Variants in PTPRN2 observed in about 807,000 individuals in gnomAD.
PTPRN2 encodes protein tyrosine phosphatase receptor type N2, also known as receptor-type tyrosine-protein phosphatase N2.
In PTPRN2, 74 loss-of-function variants were observed where a neutral mutation model predicts 118.8. The ratio of observed to expected loss-of-function variants is 0.62; its 90% CI spans 0.52 to 0.76. The LOEUF is 0.76. PTPRN2 is among the 30% of genes least tolerant of loss of function. The pLI, the probability that PTPRN2 is intolerant of heterozygous loss-of-function variation, is 0.00. For missense variants in PTPRN2, 1,481 were observed against 1,394.4 expected, an observed-to-expected ratio of 1.06 and a Z score of -0.99; for synonymous variants, 641 against 608.0, an observed-to-expected ratio of 1.05 and a Z score of -0.80.
chr7:157,637,147 C>T (rs1804370478), intron 14 of PTPRN2, among the ~76,000 whole-genome samples: 1 of 152,168 alleles, frequency 6.6e-6, no homozygotes, highest in African/African-American at 2.4e-5. Context: ...GAACATATCC[C>T]TTTGACATAT....
chr7:158,363,795 G>T (rs1262489989), intron 2 of PTPRN2, among the ~76,000 whole-genome samples: 1 of 152,204 alleles, frequency 6.6e-6, no homozygotes, highest in Non-Finnish European at 1.5e-5. Flanking sequence ...CCCAGTGTCT[G>T]GGTCTCCACG....
chr7:158,327,240 C>T (rs1257540066), intron 2 of PTPRN2, among the ~76,000 whole-genome samples: 1 of 151,346 alleles, frequency 6.6e-6, no homozygotes, highest in African/African-American at 2.5e-5. Context: ...CTCATATCCA[C>T]ATACATGCAC....
chr7:157,911,843 G>C (rs1465589421), intron 11 of PTPRN2, among the ~76,000 whole-genome samples: 1 of 151,910 alleles, frequency 6.6e-6, no homozygotes, highest in Non-Finnish European at 1.5e-5. Flanking sequence ...TACACGTTCT[G>C]TGATGTGCCT....
intron 11 of PTPRN2, among the ~76,000 whole-genome samples, chr7:157,915,897 G>A (rs750851845): frequency 1.3e-4 from 20 of 152,244 alleles, no homozygotes; most frequent in Middle Eastern, 3.4e-3. Context: ...TTCTTCCAGC[G>A]TACCAGCAGA....
In PTPRN2 at chr7:158,505,534, G is replaced by A. The variant is rs74588618; in HGVS notation, c.113-15749C>T. ...TGCAGGGCTGTCAACAGGCTCCTAAGGTTAAATAACAATAGTTTTAAAATC... is the reference window on the plus strand; with the variant it reads ...TGCAGGGCTGTCAACAGGCTCCTAAAGTTAAATAACAATAGTTTTAAAATC... On this transcript the variant is annotated intron_variant, in intron 1 of 22. Coordinates refer to ENST00000389418, the MANE Select transcript of PTPRN2 (RefSeq NM_002847.5). Among the ~76,000 whole-genome samples, 272 of 152,306 alleles carry A rather than the reference G, an allele frequency of 1.8e-3. 7 individuals carry two copies. The East Asian group carries it at 0.034, about 19-fold the overall frequency.
chr7:157,694,710 T>A (rs764025921), intron 12 of PTPRN2, among the ~76,000 whole-genome samples: 1 of 152,162 alleles, frequency 6.6e-6, no homozygotes, highest in Non-Finnish European at 1.5e-5. Flanking sequence ...GGCAATAATG[T>A]GAGACTAGAT....
Position 158,555,936 on chromosome 7 carries a change from A to T in PTPRN2, c.112+31622T>A, listed in dbSNP as rs931806356. 6.6e-6 allele frequency among the ~76,000 whole-genome samples: 1 copy of T among 152,252 alleles called. No individual in the cohort carries two copies. The highest frequency in any genetic ancestry group is 1.5e-5 in the Non-Finnish European group (1 of 68,042). The stretch of plus-strand genomic sequence containing the variant: ...GTCCCAAAATAAATCTTCACTAGGT[A>T]CAGAGTTGGCACCAAATGGCTTTCT... On this transcript the variant is annotated intron_variant, in intron 1 of 22. Transcript: ENST00000389418. The surrounding 1 kb of genome is among the most constrained non-coding windows in gnomAD (Gnocchi z 4.7).
chr7:157,740,100 A>C (rs2150960565), intron 12 of PTPRN2, among the ~76,000 whole-genome samples: 1 of 152,200 alleles, frequency 6.6e-6, no homozygotes, highest in South Asian at 2.1e-4. Flanking sequence ...GGCCAGCAGG[A>C]CCCCTTCCTC....
intron 19 of PTPRN2, among the ~76,000 whole-genome samples, 183 bp from the exon 20 acceptor site, chr7:157,571,676 G>A (rs1156884677): frequency 6.6e-6 from 1 of 152,148 alleles, no homozygotes; most frequent in African/African-American, 2.4e-5. Context: ...TCAACATGAC[G>A]TTATTAATCG....
chr7:158,303,385 C>T (rs1479152098), intron 3 of PTPRN2, among the ~76,000 whole-genome samples: 2 of 152,130 alleles, frequency 1.3e-5, no homozygotes, highest in Non-Finnish European at 2.9e-5. Context: ...ATGTAACTTC[C>T]CTACAGCAAA....
chr7:158,509,109 G>T lies in PTPRN2; in HGVS notation c.113-19324C>A, dbSNP rs1216783252. Among the ~76,000 whole-genome samples the T allele has an allele frequency of 6.6e-6, 1 of 151,966 alleles. No individual in the cohort carries two copies. The highest frequency in any genetic ancestry group is 1.9e-4 in the East Asian group (1 of 5,166). On this transcript the variant is annotated intron_variant, in intron 1 of 22. Coordinates refer to ENST00000389418, the MANE Select transcript of PTPRN2 (RefSeq NM_002847.5). This position sits in a 1 kb window ranked among gnomAD's most constrained non-coding sequence, Gnocchi z 4.4. ...AGAAGATGGGGACTGGGAGGGGAGA[G>T]GGAGAGAGAGAGCAGAAGGATGAGC...
At position 158,546,687 on chromosome 7, in the gene PTPRN2, C is replaced by T. The variant is rs2129449890; in HGVS notation, c.112+40871G>A. On this transcript the variant is annotated intron_variant, in intron 1 of 22. Transcript: ENST00000389418. This position sits in a 1 kb window ranked among gnomAD's most constrained non-coding sequence, Gnocchi z 5.0. Reference sequence around the variant, plus strand: ...ACAGAGGTGCTCTGAGGGTCTTAGGCAGAGCTGGCCATGCTTGCCTTGGTG... The same window carrying T: ...ACAGAGGTGCTCTGAGGGTCTTAGGTAGAGCTGGCCATGCTTGCCTTGGTG... 6.6e-6 allele frequency among the ~76,000 whole-genome samples: 1 copy of T among 152,336 alleles called. No individual in the cohort carries two copies. The highest frequency in any genetic ancestry group is 1.5e-5 in the Non-Finnish European group (1 of 68,024).
At chr7:158,262,983 A>G (rs962371758) in intron 3 of PTPRN2, among the ~76,000 whole-genome samples, 2 of 58,766 alleles carry the variant, frequency 3.4e-5, no homozygotes, top group African/African-American at 1.5e-4. Context: ...GCACACATAC[A>G]GATTCACACA....
chr7:158,455,722 C>T (rs1341799131), intron 2 of PTPRN2, among the ~76,000 whole-genome samples: 14 of 145,464 alleles, frequency 9.6e-5, no homozygotes, highest in Middle Eastern at 3.9e-3. Context: ...TGGACGCCAT[C>T]GGCCATGGCC....
chr7:157,707,579 TTTTTTTTTC>T (rs1326202997), intron 12 of PTPRN2, among the ~76,000 whole-genome samples: 1 of 137,064 alleles, frequency 7.3e-6, no homozygotes, highest in Non-Finnish European at 1.7e-5. Flanking sequence ...TTCTTTTTCC[TTTTTTTTTC>T]TTTTTTTTTG....
At chr7:158,195,994 A>C (rs541443983) in intron 4 of PTPRN2, among the ~76,000 whole-genome samples, 123 of 152,342 alleles carry the variant, frequency 8.1e-4, no homozygotes, top group African/African-American at 2.8e-3. Flanking sequence ...TGGCAGTATC[A>C]GAGCAGCAAT....
At chr7:157,714,894 T>C (rs1218140783) in intron 12 of PTPRN2, among the ~76,000 whole-genome samples, 1 of 151,776 alleles carries the variant, frequency 6.6e-6, no homozygotes, top group East Asian at 1.9e-4. Context: ...CTGAGGCCAT[T>C]TCCCCAGGGA....
chr7:158,321,742 G>C (rs1396243963), intron 2 of PTPRN2, among the ~76,000 whole-genome samples: 1 of 152,146 alleles, frequency 6.6e-6, no homozygotes, highest in African/African-American at 2.4e-5. Context: ...TGGGCTCCCT[G>C]TCCACCCGTC....
rs1003847495 is a variant in PTPRN2 at position 157,986,436 on chromosome 7, G to A, written c.1724-87699C>T. The stretch of plus-strand genomic sequence containing the variant: ...GCAGGGCACCCCGTGTGTGGTCACC[G>A]TGGTCAGTGGCAGAGGTGGGGCTGG... On this transcript the variant is annotated intron_variant, in intron 11 of 22. Transcript: ENST00000389418. This position sits in a 1 kb window ranked among gnomAD's most constrained non-coding sequence, Gnocchi z 4.5. Among the ~76,000 whole-genome samples the A allele has an allele frequency of 1.3e-5, 2 of 152,158 alleles. No homozygotes were observed. The highest frequency in any genetic ancestry group is 2.9e-5 in the Non-Finnish European group (2 of 68,042).
Sources: gnomAD v4.1 joint callset for allele counts (sites outside exome capture counted in the v4.1 genomes callset) on GRCh38, gnomAD v4.1.1 for gene constraint, Gnocchi (gnomAD v3.1) non-coding constraint, MANE v1.5 for transcripts, NCBI Gene and HGNC (gene_info 2026-07-23, HGNC 2026-07-21) for gene names.